Variants in MINDY2 observed in about 807,000 individuals in gnomAD.
The protein encoded by MINDY2 is ubiquitin carboxyl-terminal hydrolase MINDY-2.
MINDY2 carries 52 observed loss-of-function variants against 68.2 expected under a neutral mutation model. That is an observed-to-expected ratio of 0.76 (90% CI 0.61 to 0.96). The LOEUF (loss-of-function observed/expected upper bound fraction) is 0.96. Ranked by LOEUF, MINDY2 falls within the 40% of genes least tolerant of loss-of-function variation. The probability of loss-of-function intolerance (pLI) is 0.00; values close to 1 mark genes in which losing one functional copy is unlikely to be tolerated. For synonymous variants in MINDY2, 372 were observed against 303.0 expected (o/e 1.23, Z -2.36); for missense variants, 881 against 773.4 (o/e 1.14, Z -1.65).
At chr15:58,808,101 A>C (rs932895926) in intron 3 of MINDY2, among the ~76,000 whole-genome samples, 1 of 151,924 alleles carries the variant, frequency 6.6e-6, no homozygotes. Context: ...TAAGTATGGA[A>C]AGTCCTGAGG....
intron 5 of MINDY2, among the ~76,000 whole-genome samples, chr15:58,828,647 C>T (rs547727686): frequency 6.5e-4 from 97 of 148,584 alleles, no homozygotes; most frequent in African/African-American, 2.0e-3. Flanking sequence ...CTGAAAGCTC[C>T]GCCTCCCAGT....
intron 5 of MINDY2, among the ~76,000 whole-genome samples, chr15:58,822,738 C>T (rs747092414): frequency 1.3e-5 from 2 of 152,056 alleles, no homozygotes; most frequent in Non-Finnish European, 2.9e-5. Context: ...TATCAAAAGG[C>T]ATAGCATGTA....
chr15:58,787,800 T>C (rs1901608913), intron 1 of MINDY2, 106 bp from the exon 2 acceptor site: 1 of 633,942 alleles, frequency 1.6e-6, no homozygotes. Flanking sequence ...AATGTATAAG[T>C]ATAGTAGATA....
At chr15:58,844,131 GA>G (rs1234684683) in intron 6 of MINDY2, among the ~76,000 whole-genome samples, 3 of 152,142 alleles carry the variant, frequency 2.0e-5, no homozygotes, top group Non-Finnish European at 2.9e-5. Context: ...ATCAGTGCAA[GA>G]AATATTCTTG....
chr15:58,810,801 C>T (rs188933458), intron 4 of MINDY2, among the ~76,000 whole-genome samples: 114 of 152,284 alleles, frequency 7.5e-4, no homozygotes, highest in Non-Finnish European at 1.3e-3. Flanking sequence ...GAGACACATA[C>T]GGCAGAATCT....
At chr15:58,790,416 C>G (rs1476131764) in intron 2 of MINDY2, among the ~76,000 whole-genome samples, 1 of 152,040 alleles carries the variant, frequency 6.6e-6, no homozygotes. Flanking sequence ...GAGATGAGAT[C>G]AGAGAGTTGA....
chr15:58,850,221 A>C (rs1452422285), intron 7 of MINDY2, among the ~76,000 whole-genome samples: 4 of 152,190 alleles, frequency 2.6e-5, no homozygotes, highest in Non-Finnish European at 5.9e-5. Context: ...GAGTGTGTAC[A>C]TGGGAGGAGG....
intron 1 of MINDY2, among the ~76,000 whole-genome samples, chr15:58,773,150 C>T (rs1221817943): frequency 1.3e-5 from 2 of 150,758 alleles, no homozygotes; most frequent in Non-Finnish European, 3.0e-5. Context: ...AAAAACAAAA[C>T]AAACTGGGTG....
At chr15:58,827,728 A>C (rs1184915562) in intron 5 of MINDY2, among the ~76,000 whole-genome samples, 1 of 152,094 alleles carries the variant, frequency 6.6e-6, no homozygotes, top group Non-Finnish European at 1.5e-5. Flanking sequence ...CCGGGATTAC[A>C]GGCATGAGCC....
In MINDY2 at chr15:58,860,560, C is replaced by A. The variant is rs1222749419; in HGVS notation, c.*5950C>A. ...CTGCACTCCAGCCTGGGCGACTGAG[C>A]GAGACTCTTATATCTCAAAAAAAAA... is the stretch of plus-strand genomic sequence containing the variant. On this transcript the variant is annotated 3_prime_UTR_variant, in exon 9 of 9. Coordinates refer to ENST00000559228, the MANE Select transcript of MINDY2 (RefSeq NM_001040450.3). 2.2e-5 allele frequency: 3 copies of A among 136,698 alleles called. No homozygotes were observed. The highest frequency in any genetic ancestry group is 3.0e-5 in the Non-Finnish European group (2 of 65,976). The allele number at this position is 136,698 out of a possible 1,614,324, so 8.5% of individuals were successfully genotyped here.
chr15:58,801,340 A>G (rs1259772997), intron 2 of MINDY2, among the ~76,000 whole-genome samples: 1 of 137,904 alleles, frequency 7.3e-6, no homozygotes, highest in Non-Finnish European at 1.5e-5. Context: ...CTGTGATCCC[A>G]ACACTTTGGG....
chr15:58,822,098 CA>C (rs2031098364), intron 5 of MINDY2, among the ~76,000 whole-genome samples: 1 of 151,804 alleles, frequency 6.6e-6, no homozygotes, highest in Admixed American at 6.6e-5. Context: ...AAAAATACAA[CA>C]AAAAATTAGT....
chr15:58,848,254 A>C (rs1485685560), intron 7 of MINDY2, among the ~76,000 whole-genome samples: 1 of 152,186 alleles, frequency 6.6e-6, no homozygotes, highest in Non-Finnish European at 1.5e-5. Flanking sequence ...ATTTAAGTGC[A>C]CAAAGACTGT....
In MINDY2 at chr15:58,858,096, A is replaced by G. The variant is rs1272791631; in HGVS notation, c.*3486A>G. On this transcript the variant is annotated 3_prime_UTR_variant, in exon 9 of 9. Coordinates refer to ENST00000559228, the MANE Select transcript of MINDY2 (RefSeq NM_001040450.3). ...ATCACCATTTTAAGAATACATGTGT[A>G]CATATACACATTAAGCAGTATAAAG... 18 of 152,362 alleles carry G rather than the reference A, an allele frequency of 1.2e-4. No individual in the cohort carries two copies. The highest frequency in any genetic ancestry group is 3.1e-4 in the African/African-American group (13 of 41,598). 9.4% of individuals were successfully genotyped at this position (152,362 alleles called of 1,614,324 possible). A position where few individuals can be genotyped will look rare whatever the true frequency, so the allele number is the denominator to read the frequency against.
At chr15:58,777,178 G>T (rs899856917) in intron 1 of MINDY2, among the ~76,000 whole-genome samples, 1 of 152,122 alleles carries the variant, frequency 6.6e-6, no homozygotes, top group African/African-American at 2.4e-5. Context: ...TCCCTAGTTC[G>T]CTTATGTCCG....
Position 58,821,766 on chromosome 15 carries a change from T to A in MINDY2, c.1172T>A (p.Val391Glu). The A allele has an allele frequency of 1.9e-6, 3 of 1,591,542 alleles. No homozygotes were observed. Among genetic ancestry groups the A allele is most frequent in the Non-Finnish European group, 2.6e-6 (3 of 1,172,176 alleles). Residue 391 changes from valine to glutamate, a missense_variant, in exon 5 of 9, where the codon GTG becomes GAG. By Grantham distance (121) the Val-to-Glu change is moderately radical (BLOSUM62 -2). Transcript: ENST00000559228. ...AVGNCSYNQL[V>E]EKIISCKQSD... ...GGTAACTGCAGCTACAACCAACTAG[T>A]GGAGAAGATCATCTCTTGTAAACAG...
intron 2 of MINDY2, among the ~76,000 whole-genome samples, chr15:58,798,866 G>A (rs1015742852): frequency 1.3e-5 from 2 of 152,150 alleles, no homozygotes; most frequent in African/African-American, 2.4e-5. Flanking sequence ...GTCAGCATGG[G>A]ATTTTTCTTG....
rs573607541 is a variant in MINDY2, at chr15:58,772,265, G to A, written c.840+30G>A. On this transcript the variant is annotated intron_variant, in intron 1 of 8. Coordinates refer to ENST00000559228, the MANE Select transcript of MINDY2 (RefSeq NM_001040450.3). ...ATTCTGCAGCTTTCTACTTCCTACA[G>A]CTTTTGGGGTGGAGGAAAACGGGGT... 25 of 1,603,580 alleles carry A rather than the reference G, an allele frequency of 1.6e-5. No individual in the cohort carries two copies. In the East Asian group the frequency reaches 5.1e-4, roughly 33 times the overall value.
At chr15:58,805,534 T>G (rs1902954352) in intron 3 of MINDY2, among the ~76,000 whole-genome samples, 1 of 152,224 alleles carries the variant, frequency 6.6e-6, no homozygotes, top group Admixed American at 6.5e-5. Context: ...ATATTTTGTA[T>G]TTAAATTTAA....
Sources: gnomAD v4.1 joint callset for allele counts (sites outside exome capture counted in the v4.1 genomes callset) on GRCh38, gnomAD v4.1.1 for gene constraint, MANE v1.5 for transcripts, NCBI Gene and HGNC (gene_info 2026-07-23, HGNC 2026-07-21) for gene names.